KALRN: variants seen among roughly 807,000 people sequenced by gnomAD.
The protein encoded by KALRN is kalirin RhoGEF kinase.
Under a neutral mutation model 353.7 loss-of-function variants are expected in KALRN, and 70 were observed. The observed-to-expected ratio is 0.20, with a 90% CI of 0.16 to 0.24. The LOEUF (loss-of-function observed/expected upper bound fraction) is 0.24, where lower values mean the gene tolerates loss of function less well. Among genes scored for constraint, KALRN ranks in the 10% least tolerant of loss-of-function variants. The probability of loss-of-function intolerance (pLI) is 1.00; values close to 1 mark genes in which losing one functional copy is unlikely to be tolerated. For missense variants in KALRN, 2,791 were observed against 3,756.7 expected, an observed-to-expected ratio of 0.74 and a Z score of 6.72; for synonymous variants, 1,391 against 1,434.8, an observed-to-expected ratio of 0.97 and a Z score of 0.69.
At chr3:124,054,525 A>G (rs2041343303) in intron 1 of KALRN, among the ~76,000 whole-genome samples, 1 of 152,072 alleles carries the variant, frequency 6.6e-6, no homozygotes, top group African/African-American at 2.4e-5. Context: ...CCCTGAAGCT[A>G]TGGCAGACCC....
chr3:124,668,488 A>C (rs73195542), intron 47 of KALRN, among the ~76,000 whole-genome samples: 3,162 of 152,362 alleles, frequency 0.021, 63 homozygotes, highest in East Asian at 0.079. Context: ...TCCTCCCTAC[A>C]ATATCAGTTT....
intron 58 of KALRN, among the ~76,000 whole-genome samples, chr3:124,714,166 G>C (rs140793060): frequency 1.3e-3 from 198 of 152,120 alleles, no homozygotes; most frequent in African/African-American, 4.7e-3. Flanking sequence ...GTAGTTGGTA[G>C]TTTGTCACTT....
At chr3:124,075,650 G>C (rs545735843) in intron 1 of KALRN, among the ~76,000 whole-genome samples, 1 of 152,178 alleles carries the variant, frequency 6.6e-6, no homozygotes, top group Admixed American at 6.5e-5. Flanking sequence ...TTAGGTGCTG[G>C]CTTCACCCCA....
At chr3:124,552,853 C>T (rs2070718523) in intron 33 of KALRN, among the ~76,000 whole-genome samples, 1 of 152,210 alleles carries the variant, frequency 6.6e-6, no homozygotes, top group Admixed American at 6.5e-5. Context: ...GCAACCTCCG[C>T]CTCCCAGGTT....
chr3:124,706,012 A>G (rs2062595320), intron 57 of KALRN, among the ~76,000 whole-genome samples: 2 of 152,078 alleles, frequency 1.3e-5, no homozygotes, highest in African/African-American at 4.8e-5. Flanking sequence ...CCTGGGCTCA[A>G]GTGATCCTCT....
At chr3:124,291,320 A>C (rs1478913401) in intron 5 of KALRN, among the ~76,000 whole-genome samples, 2 of 152,230 alleles carry the variant, frequency 1.3e-5, no homozygotes, top group African/African-American at 4.8e-5. Context: ...TGTACCCATC[A>C]GGTATTTGCA....
chr3:124,683,086 G>T (rs2061411744), intron 51 of KALRN, among the ~76,000 whole-genome samples: 1 of 151,912 alleles, frequency 6.6e-6, no homozygotes, highest in Non-Finnish European at 1.5e-5. Flanking sequence ...TGGGGTGGGG[G>T]TGAAAGGGGG....
At chr3:124,541,437 G>A (rs920734631) in intron 33 of KALRN, among the ~76,000 whole-genome samples, 3 of 151,644 alleles carry the variant, frequency 2.0e-5, no homozygotes, top group Non-Finnish European at 4.4e-5. Flanking sequence ...GTGGCAGAGT[G>A]AGACTCTATC....
chr3:124,326,204 G>T, intron 7 of KALRN, 33 bp downstream of exon 7: 1 of 1,588,080 alleles, frequency 6.3e-7, no homozygotes, highest in Non-Finnish European at 8.6e-7. Flanking sequence ...AGCTGCTGTT[G>T]GTAGGAAGGG....
chr3:124,073,024 A>G (rs2060090350), intron 1 of KALRN, among the ~76,000 whole-genome samples: 1 of 152,198 alleles, frequency 6.6e-6, no homozygotes, highest in African/African-American at 2.4e-5. Flanking sequence ...CATGTTCATC[A>G]TGCAACGTTC....
At chr3:124,395,459 T>C (rs2090039903) in intron 12 of KALRN, 116 bp downstream of exon 12, 1 of 762,352 alleles carries the variant, frequency 1.3e-6, no homozygotes. Flanking sequence ...AGCTTCGGTT[T>C]CTTTATCTGT....
chr3:124,334,236 C>G lies in KALRN; in HGVS notation c.1417-29C>G. On this transcript the variant is annotated intron_variant, in intron 8 of 59. Transcript: ENST00000682506. The surrounding 1 kb of genome is among the most constrained non-coding windows in gnomAD (Gnocchi z 4.2). The stretch of plus-strand genomic sequence containing the variant: ...TGTGCCCTGCCTATCACCCTTTTCC[C>G]TTAACTTAAACTTCTCTCTTTCCTG... 1.3e-6 allele frequency: 2 copies of G among 1,595,470 alleles called. No homozygotes were observed. Among genetic ancestry groups the G allele is most frequent in the Non-Finnish European group, 1.7e-6 (2 of 1,163,098 alleles).
rs543711865 is a variant in KALRN, at chr3:124,062,713, A to C, written c.73+28900A>C. On this transcript the variant is annotated intron_variant, in intron 1 of 59. Coordinates refer to ENST00000682506, the MANE Select transcript of KALRN (RefSeq NM_001388419.1). ...TGGTGCCTTAGAAAAATGGAGGCCT[A>C]ATGGAAGAAAGGAGAATACTGTGAA... Among the ~76,000 whole-genome samples, 3 of 152,252 alleles carry C rather than the reference A, an allele frequency of 2.0e-5. No individual in the cohort carries two copies. The East Asian group carries it at 5.8e-4, about 29-fold the overall frequency.
chr3:124,298,511 T>C (rs1451776069), intron 5 of KALRN, among the ~76,000 whole-genome samples: 1 of 152,156 alleles, frequency 6.6e-6, no homozygotes, highest in African/African-American at 2.4e-5. Flanking sequence ...GGTAAACAGC[T>C]TCCTCTCCCA....
rs557115976 is a variant in KALRN, at chr3:124,696,114, C to T, written c.7578-20C>T. 4 of 1,612,708 alleles carry T rather than the reference C, an allele frequency of 2.5e-6. No individual in the cohort carries two copies. Among genetic ancestry groups the T allele is most frequent in the East Asian group, 2.2e-5 (1 of 44,830 alleles). On this transcript the variant is annotated intron_variant, in intron 53 of 59. Coordinates refer to ENST00000682506, the MANE Select transcript of KALRN (RefSeq NM_001388419.1). Reference sequence around the variant, plus strand: ...TGTCTCATTACTGGAGTCTGAAGAGCATCCTTTTGGTGTCCCTAGTGATTC... The same window carrying T: ...TGTCTCATTACTGGAGTCTGAAGAGTATCCTTTTGGTGTCCCTAGTGATTC...
intron 13 of KALRN, among the ~76,000 whole-genome samples, chr3:124,404,039 G>C (rs2091209962): frequency 6.6e-6 from 1 of 151,154 alleles, no homozygotes; most frequent in Non-Finnish European, 1.5e-5. Context: ...TATCTCCAGA[G>C]CCCAGAAAGG....
intron 13 of KALRN, among the ~76,000 whole-genome samples, chr3:124,400,790 A>T (rs549941871): frequency 6.6e-6 from 1 of 152,356 alleles, no homozygotes; most frequent in East Asian, 1.9e-4. Context: ...CATTTTGCCC[A>T]CTGGGAGAGA....
chr3:124,361,021 C>T (rs573878140), intron 10 of KALRN, among the ~76,000 whole-genome samples: 1 of 152,278 alleles, frequency 6.6e-6, no homozygotes, highest in Middle Eastern at 3.4e-3. Flanking sequence ...ATTGAAGGCA[C>T]GCTTTTACAA....
At chr3:124,401,284 C>A (rs925746613) in intron 13 of KALRN, among the ~76,000 whole-genome samples, 6 of 152,166 alleles carry the variant, frequency 3.9e-5, no homozygotes, top group African/African-American at 1.4e-4. Context: ...GCTGGCAGAT[C>A]ACTTGAACTC....
Sources: allele counts gnomAD v4.1 joint callset (sites outside exome capture counted in the v4.1 genomes callset), GRCh38; gene constraint gnomAD v4.1.1; non-coding constraint Gnocchi (gnomAD v3.1); transcripts MANE v1.5; gene names NCBI Gene and HGNC (gene_info 2026-07-23, HGNC 2026-07-21).